OR10J1: variants seen among roughly 807,000 people sequenced by gnomAD.
OR10J1 encodes the protein olfactory receptor family 10 subfamily J member 1, also known as olfactory receptor 10J1.
For synonymous variants in OR10J1, 202 were observed against 143.8 expected (o/e 1.40, Z -2.89); for missense variants, 474 against 376.6 (o/e 1.26, Z -2.14).
At chr1:159,425,622 A>G in the OR10J1 span, among the ~76,000 whole-genome samples, 2 of 152,052 alleles carry the variant, frequency 1.3e-5, no homozygotes, top group Non-Finnish European at 2.9e-5. Flanking sequence ...AGAGATAGGA[A>G]CTTATAGTAA....
At chr1:159,433,230 C>A (rs186851819), upstream of OR10J1, 2 of 397,004 alleles carry the variant, frequency 5.0e-6, no homozygotes, top group Non-Finnish European at 8.9e-6. Context: ...TGTGAAAGCA[C>A]CAGGTGGCTG....
At chr1:159,401,452 A>G in the OR10J1 span, among the ~76,000 whole-genome samples, 2 of 152,050 alleles carry the variant, frequency 1.3e-5, no homozygotes, top group Non-Finnish European at 2.9e-5. Flanking sequence ...TCAAAGGATG[A>G]TTAGTGGCTA....
the OR10J1 span, among the ~76,000 whole-genome samples, chr1:159,409,604 C>T: frequency 2.0e-5 from 3 of 152,164 alleles, no homozygotes; most frequent in South Asian, 2.1e-4. Flanking sequence ...CTATACATTT[C>T]CATCAAGATA....
At chr1:159,430,198 G>T in the OR10J1 span, among the ~76,000 whole-genome samples, 1 of 151,572 alleles carries the variant, frequency 6.6e-6, no homozygotes, top group Admixed American at 6.6e-5. Flanking sequence ...ACCGAGAAAG[G>T]ATAATCTGGG....
the OR10J1 span, among the ~76,000 whole-genome samples, chr1:159,412,447 C>T: frequency 2.7e-5 from 4 of 149,930 alleles, no homozygotes; most frequent in East Asian, 2.0e-4. Flanking sequence ...TACTACAAGG[C>T]TACAGTAACC....
the OR10J1 span, among the ~76,000 whole-genome samples, chr1:159,409,209 C>A: frequency 1.3e-5 from 2 of 152,078 alleles, no homozygotes; most frequent in Admixed American, 1.3e-4. Context: ...TCTTGAGACT[C>A]TCACCAGGGC....
the OR10J1 span, among the ~76,000 whole-genome samples, chr1:159,406,912 C>G: frequency 6.6e-6 from 1 of 152,140 alleles, no homozygotes; most frequent in African/African-American, 2.4e-5. Flanking sequence ...CTTTCCTTAG[C>G]TCTGCTCCTT....
At chr1:159,432,770 CT>C in the OR10J1 span, 1 of 382,800 alleles carries the variant, frequency 2.6e-6, no homozygotes, top group Non-Finnish European at 4.5e-6. Flanking sequence ...TGAAGCTTGC[CT>C]GTGCAGACAC....
chr1:159,402,744 G>A, the OR10J1 span, among the ~76,000 whole-genome samples: 2 of 151,948 alleles, frequency 1.3e-5, no homozygotes, highest in Non-Finnish European at 2.9e-5. Context: ...ATTCTCCACA[G>A]AAATAGAAAA....
chr1:159,405,093 A>G, the OR10J1 span, among the ~76,000 whole-genome samples: 1 of 152,096 alleles, frequency 6.6e-6, no homozygotes, highest in Non-Finnish European at 1.5e-5. Context: ...CACCAGTGAA[A>G]GAGGAACCAG....
chr1:159,410,797 T>C, the OR10J1 span, among the ~76,000 whole-genome samples: 2 of 150,560 alleles, frequency 1.3e-5, no homozygotes, highest in Admixed American at 6.7e-5. Context: ...TGTTAGGGTG[T>C]CAATTTTGGA....
chr1:159,426,238 A>C, the OR10J1 span, among the ~76,000 whole-genome samples: 1 of 151,940 alleles, frequency 6.6e-6, no homozygotes, highest in East Asian at 1.9e-4. Flanking sequence ...GAATGGATTA[A>C]GCTAATTAAT....
the OR10J1 span, among the ~76,000 whole-genome samples, chr1:159,404,598 G>T: frequency 1.3e-5 from 2 of 152,032 alleles, no homozygotes; most frequent in Non-Finnish European, 2.9e-5. Flanking sequence ...CCCTAAAATG[G>T]GTAGACACGC....
Position 159,440,536 on chromosome 1 carries a change from G to A in OR10J1, c.745G>A (p.Val249Ile), listed in dbSNP as rs910489726. The A allele has an allele frequency of 1.2e-6, 2 of 1,613,960 alleles. No individual in the cohort carries two copies. Among genetic ancestry groups the A allele is most frequent in the Non-Finnish European group, 8.5e-7 (1 of 1,180,000 alleles). Residue 249 changes from valine (V) to isoleucine (I), a missense_variant, in exon 1 of 1, where the codon GTC (valine) becomes ATC (isoleucine). Coordinates refer to ENST00000423932, the MANE Select transcript of OR10J1 (RefSeq NM_012351.3). ...TCASHLTVVIVHYSCASIAYL... is the reference protein window; with the variant it reads ...TCASHLTVVIIHYSCASIAYL... ...TGCATCCCACCTCACTGTGGTCATT[G>A]TCCACTACAGCTGTGCCTCCATTGC...
chr1:159,435,834 G>A (rs1450522723), upstream of OR10J1, among the ~76,000 whole-genome samples: 2 of 152,168 alleles, frequency 1.3e-5, no homozygotes, highest in Non-Finnish European at 2.9e-5. Context: ...TTTTGCATTA[G>A]GTTCTTTTGG....
the OR10J1 span, among the ~76,000 whole-genome samples, chr1:159,410,385 T>A: frequency 6.6e-6 from 1 of 152,170 alleles, no homozygotes; most frequent in East Asian, 1.9e-4. Flanking sequence ...AGCCTGTAAT[T>A]GGTCTATTCA....
At chr1:159,422,930 C>T in the OR10J1 span, among the ~76,000 whole-genome samples, 2 of 152,096 alleles carry the variant, frequency 1.3e-5, no homozygotes, top group Non-Finnish European at 2.9e-5. Context: ...TCTTTCCTTG[C>T]TTCTGGTGCT....
chr1:159,435,583 C>G (rs770075518), upstream of OR10J1, among the ~76,000 whole-genome samples: 10 of 152,134 alleles, frequency 6.6e-5, no homozygotes, highest in Non-Finnish European at 1.2e-4. Context: ...TTTGGACACG[C>G]CAGCTCTAGG....
At chr1:159,417,613 T>C in the OR10J1 span, among the ~76,000 whole-genome samples, 257 of 152,302 alleles carry the variant, frequency 1.7e-3, no homozygotes, top group African/African-American at 5.8e-3. Flanking sequence ...TAAACTTCTT[T>C]TTCTTTATAA....
Sources: allele counts gnomAD v4.1 joint callset (sites outside exome capture counted in the v4.1 genomes callset), GRCh38; gene constraint gnomAD v4.1.1; transcripts MANE v1.5; gene names NCBI Gene and HGNC (gene_info 2026-07-23, HGNC 2026-07-21).